DPYD: variants seen among roughly 807,000 people sequenced by gnomAD.
DPYD encodes the protein dihydropyrimidine dehydrogenase [NADP(+)].
In DPYD, 109 loss-of-function variants were observed where a neutral mutation model predicts 116.2. The observed-to-expected ratio is 0.94, with a 90% confidence interval of 0.80 to 1.10. The LOEUF is 1.10. Among genes scored for constraint, DPYD ranks in the 50% least tolerant of loss-of-function variants. DPYD has a pLI of 0.00. For synonymous variants in DPYD, 440 were observed against 432.0 expected (o/e 1.02, Z -0.23); for missense variants, 1,302 against 1,254.5 (o/e 1.04, Z -0.57).
intron 18 of DPYD, among the ~76,000 whole-genome samples, chr1:97,290,506 G>C (rs961936877): frequency 4.3e-4 from 66 of 152,122 alleles, no homozygotes; most frequent in Middle Eastern, 3.4e-3. Flanking sequence ...CAATGGAACA[G>C]AACAGAGCCC....
At chr1:97,382,157 T>C (rs1427531579) in intron 15 of DPYD, among the ~76,000 whole-genome samples, 2 of 152,184 alleles carry the variant, frequency 1.3e-5, no homozygotes, top group African/African-American at 4.8e-5. Context: ...TAAAGGATTT[T>C]TAGGTAGTGT....
intron 20 of DPYD, among the ~76,000 whole-genome samples, chr1:97,163,904 A>C (rs1313000690): frequency 6.6e-6 from 1 of 152,154 alleles, no homozygotes; most frequent in East Asian, 1.9e-4. Context: ...TCTGGTATTC[A>C]CTTATTTTTG....
At chr1:97,507,817 G>T (rs1456076447) in intron 13 of DPYD, among the ~76,000 whole-genome samples, 2 of 151,882 alleles carry the variant, frequency 1.3e-5, no homozygotes, top group African/African-American at 4.8e-5. Context: ...CAAGTTTCTT[G>T]GAATCCACAT....
At chr1:97,151,265 C>T (rs1654992418) in intron 20 of DPYD, among the ~76,000 whole-genome samples, 1 of 152,108 alleles carries the variant, frequency 6.6e-6, no homozygotes. Context: ...TATAATCGTA[C>T]ATATATATGA....
At chr1:97,359,483 G>A (rs895714832) in intron 16 of DPYD, among the ~76,000 whole-genome samples, 1 of 152,134 alleles carries the variant, frequency 6.6e-6, no homozygotes, top group Non-Finnish European at 1.5e-5. Flanking sequence ...TCCTTGAGAA[G>A]AGCAACTCCA....
chr1:97,434,127 C>T (rs975858533), intron 14 of DPYD, among the ~76,000 whole-genome samples: 2 of 151,984 alleles, frequency 1.3e-5, no homozygotes, highest in African/African-American at 2.4e-5. Flanking sequence ...AAAAGCAGCA[C>T]AAAGTTAAAT....
intron 20 of DPYD, among the ~76,000 whole-genome samples, chr1:97,161,861 G>A (rs1320283670): frequency 2.0e-5 from 3 of 151,176 alleles, no homozygotes; most frequent in African/African-American, 7.3e-5. Context: ...TGAGAATGAT[G>A]ATTTCCAATT....
intron 8 of DPYD, among the ~76,000 whole-genome samples, chr1:97,639,365 C>T (rs1055373596): frequency 6.6e-6 from 1 of 151,996 alleles, no homozygotes; most frequent in East Asian, 1.9e-4. Flanking sequence ...TATTCTATTA[C>T]CTTTTGTTTT....
chr1:97,548,817 C>T (rs1398135323), intron 12 of DPYD, among the ~76,000 whole-genome samples: 4 of 152,128 alleles, frequency 2.6e-5, no homozygotes, highest in African/African-American at 7.2e-5. Flanking sequence ...TGTTTCCTTT[C>T]CACTTAGGTG....
chr1:97,551,253 G>A (rs2786528), intron 11 of DPYD, among the ~76,000 whole-genome samples: 3,822 of 152,176 alleles, frequency 0.025, 160 homozygotes, highest in African/African-American at 0.087. Flanking sequence ...GCATTTTAAG[G>A]AAATTTTTCT....
At chr1:97,413,196 C>G (rs1275561936) in intron 14 of DPYD, among the ~76,000 whole-genome samples, 3 of 152,134 alleles carry the variant, frequency 2.0e-5, no homozygotes, top group Admixed American at 2.0e-4. Flanking sequence ...TGAGTGGAAA[C>G]TTCTTTTGGC....
chr1:97,195,117 A>T (rs923081711), intron 19 of DPYD, among the ~76,000 whole-genome samples: 8 of 152,264 alleles, frequency 5.3e-5, no homozygotes, highest in African/African-American at 1.9e-4. Flanking sequence ...CCAACATTAC[A>T]TCAAATTCAA....
At chr1:97,169,875 T>C (rs1423705098) in intron 20 of DPYD, among the ~76,000 whole-genome samples, 6 of 152,170 alleles carry the variant, frequency 3.9e-5, no homozygotes, top group Non-Finnish European at 7.3e-5. Flanking sequence ...TCCTTGGAGC[T>C]CTCCATCTCC....
chr1:97,707,748 C>T (rs1662060440), intron 5 of DPYD, among the ~76,000 whole-genome samples: 1 of 151,860 alleles, frequency 6.6e-6, no homozygotes. Context: ...TTGCATTTCC[C>T]TGATGATACA....
intron 18 of DPYD, among the ~76,000 whole-genome samples, chr1:97,263,363 C>T (rs981318269): frequency 6.6e-6 from 1 of 151,950 alleles, no homozygotes; most frequent in African/African-American, 2.4e-5. Context: ...AATACCATTT[C>T]CCCACTATGA....
intron 1 of DPYD, among the ~76,000 whole-genome samples, chr1:97,900,743 T>G (rs183196026): frequency 6.6e-6 from 1 of 151,944 alleles, no homozygotes; most frequent in Admixed American, 6.6e-5. Flanking sequence ...AATGCTCCTT[T>G]GCAAACTGTT....
chr1:97,079,157 A>G lies in DPYD; in HGVS notation c.2908-11T>C, dbSNP rs1156786927. On this transcript the variant is annotated splice_polypyrimidine_tract_variant and intron_variant, in intron 22 of 22. Transcript: ENST00000370192. ...ATCAAACTGTATAGCCTGCAAACAG[A>G]AATAGAGGGTATTGATGTCACTGAC... 75 of 1,612,906 alleles carry G rather than the reference A, an allele frequency of 4.6e-5. No homozygotes were observed. Among genetic ancestry groups the G allele is most frequent in the Non-Finnish European group, 6.2e-5 (73 of 1,179,446 alleles).
chr1:97,721,855 T>C (rs1445870439), intron 4 of DPYD, among the ~76,000 whole-genome samples, 184 bp from the exon 5 acceptor site: 2 of 151,662 alleles, frequency 1.3e-5, no homozygotes, highest in African/African-American at 4.8e-5. Flanking sequence ...ATTTGACACA[T>C]AGGAATATTC....
Position 97,478,784 on chromosome 1 carries a change from C to T in DPYD, c.1741-28561G>A, listed in dbSNP as rs542247200. On this transcript the variant is annotated intron_variant, in intron 13 of 22. Transcript: ENST00000370192. The stretch of plus-strand genomic sequence containing the variant: ...CAATATAAGGCTGTTTTGTCTACAT[C>T]GAAAATCTGTTATCTAATGTAGTTA... Among the ~76,000 whole-genome samples, 28 of 152,298 alleles carry T rather than the reference C, an allele frequency of 1.8e-4. No individual in the cohort carries two copies. In the East Asian group the frequency reaches 5.0e-3, roughly 27 times the overall value.
Sources: gnomAD v4.1 joint callset for allele counts (sites outside exome capture counted in the v4.1 genomes callset) on GRCh38, gnomAD v4.1.1 for gene constraint, MANE v1.5 for transcripts, NCBI Gene and HGNC (gene_info 2026-07-23, HGNC 2026-07-21) for gene names.